The following ADGRB3 variants were observed in gnomAD, a reference collection of about 807,000 sequenced individuals.
ADGRB3 encodes adhesion G protein-coupled receptor B3, also known as brain-specific angiogenesis inhibitor 3.
ADGRB3 carries 37 observed loss-of-function variants against 193.4 expected under a neutral mutation model. That is an observed-to-expected ratio of 0.19 (90% CI 0.15 to 0.25). The LOEUF is 0.25. Ranked by LOEUF, ADGRB3 falls within the 10% of genes least tolerant of loss-of-function variation. ADGRB3 has a pLI of 1.00. For missense variants in ADGRB3, 1,637 were observed against 1,852.9 expected (o/e 0.88, Z 2.14); for synonymous variants, 690 against 644.2 (o/e 1.07, Z -1.08).
chr6:69,351,636 T>G lies in ADGRB3; in HGVS notation c.3460-2597T>G, dbSNP rs540668817. Among the ~76,000 whole-genome samples the G allele has an allele frequency of 4.6e-5, 7 of 152,182 alleles. 1 individual carries two copies. Among genetic ancestry groups the G allele is most frequent in the Non-Finnish European group, 7.3e-5 (5 of 68,036 alleles). ...ATGATTCATGAAGCTGACATCATCA[T>G]TCAGTGTAGAAATGCCCTTAATCTA... On this transcript the variant is annotated intron_variant, in intron 26 of 31. Coordinates refer to ENST00000370598, the MANE Select transcript of ADGRB3 (RefSeq NM_001704.3).
chr6:69,138,030 T>C (rs1773508268), intron 17 of ADGRB3, among the ~76,000 whole-genome samples: 1 of 152,166 alleles, frequency 6.6e-6, no homozygotes. Context: ...CAGAATAACA[T>C]GGAAGAGCAA....
rs539310462 is a variant in ADGRB3, at chr6:68,770,681, T to G, written c.757+131249T>G. On this transcript the variant is annotated intron_variant, in intron 3 of 31. Coordinates refer to ENST00000370598, the MANE Select transcript of ADGRB3 (RefSeq NM_001704.3). ...AGCATAGTATTATTTTTAGATCTTATTTTATTCTAACTAGAAGAGTAATTA... is the reference window on the plus strand; with the variant it reads ...AGCATAGTATTATTTTTAGATCTTAGTTTATTCTAACTAGAAGAGTAATTA... Among the ~76,000 whole-genome samples the G allele has an allele frequency of 3.9e-5, 6 of 152,244 alleles. No homozygotes were observed. The East Asian group carries it at 1.2e-3, about 29-fold the overall frequency.
At chr6:68,939,740 G>A (rs1767585195) in intron 5 of ADGRB3, among the ~76,000 whole-genome samples, 1 of 152,052 alleles carries the variant, frequency 6.6e-6, no homozygotes, top group Non-Finnish European at 1.5e-5. Flanking sequence ...CCTGAAAATA[G>A]TGACAAAAAG....
At chr6:69,093,086 G>A (rs181224010) in intron 17 of ADGRB3, among the ~76,000 whole-genome samples, 2 of 151,424 alleles carry the variant, frequency 1.3e-5, no homozygotes, top group Admixed American at 6.6e-5. Context: ...GAGGAGGATA[G>A]CCTTGGTTCA....
chr6:68,995,894 A>T (rs1283678507), intron 11 of ADGRB3, among the ~76,000 whole-genome samples: 2 of 152,178 alleles, frequency 1.3e-5, no homozygotes. Context: ...TGAAATTTCA[A>T]AGAATTTTTA....
rs541261468 is a variant in ADGRB3 at position 69,042,135 on chromosome 6, G to A, written c.2108-6050G>A. On this transcript the variant is annotated intron_variant, in intron 13 of 31. Coordinates refer to ENST00000370598, the MANE Select transcript of ADGRB3 (RefSeq NM_001704.3). ...TTCATTTCTCTCTCTGCTGCCACGT[G>A]AAGAAGGACATGCATGTTTGCTTCC... Among the ~76,000 whole-genome samples, 5 of 152,290 alleles carry A rather than the reference G, an allele frequency of 3.3e-5. No individual in the cohort carries two copies. The East Asian group carries it at 9.7e-4, about 29-fold the overall frequency.
chr6:68,680,823 C>A (rs1259359374), intron 3 of ADGRB3, among the ~76,000 whole-genome samples: 7 of 152,092 alleles, frequency 4.6e-5, no homozygotes, highest in Admixed American at 4.6e-4. Flanking sequence ...TTTAGAGCAG[C>A]ATTAAACAAA....
intron 15 of ADGRB3, among the ~76,000 whole-genome samples, chr6:69,058,285 G>A (rs1343575264): frequency 6.6e-6 from 1 of 151,590 alleles, no homozygotes; most frequent in Non-Finnish European, 1.5e-5. Flanking sequence ...CAGTTGTGAT[G>A]TCTCCTCCTT....
intron 20 of ADGRB3, among the ~76,000 whole-genome samples, chr6:69,275,310 A>G (rs1767279265): frequency 6.6e-6 from 1 of 152,182 alleles, no homozygotes. Flanking sequence ...TATTCCAACT[A>G]AAATTCTTTA....
At chr6:68,906,367 G>A (rs1766549441) in intron 3 of ADGRB3, among the ~76,000 whole-genome samples, 1 of 151,496 alleles carries the variant, frequency 6.6e-6, no homozygotes, top group African/African-American at 2.4e-5. Flanking sequence ...TATATTGAAG[G>A]TATACCATAT....
intron 16 of ADGRB3, among the ~76,000 whole-genome samples, chr6:69,067,079 C>T (rs1044578002): frequency 1.3e-5 from 2 of 151,980 alleles, no homozygotes; most frequent in African/African-American, 4.8e-5. Flanking sequence ...ATACTTTTTC[C>T]AAATGAAGTC....
At chr6:68,985,616 T>C (rs1310509335) in intron 10 of ADGRB3, among the ~76,000 whole-genome samples, 1 of 152,130 alleles carries the variant, frequency 6.6e-6, no homozygotes, top group African/African-American at 2.4e-5. Flanking sequence ...TTCATTGCCA[T>C]TGCAAGGTCT....
chr6:68,880,251 C>T (rs1183034887), intron 3 of ADGRB3, among the ~76,000 whole-genome samples: 1 of 152,160 alleles, frequency 6.6e-6, no homozygotes, highest in African/African-American at 2.4e-5. Context: ...AGTCTGCCTC[C>T]ATCTGCTAGT....
At chr6:68,834,795 C>G (rs1405440360) in intron 3 of ADGRB3, among the ~76,000 whole-genome samples, 1 of 152,122 alleles carries the variant, frequency 6.6e-6, no homozygotes, top group Admixed American at 6.6e-5. Flanking sequence ...GTACGAGGAT[C>G]ATGACTGAAT....
At chr6:68,829,091 C>CCTTTTTTTTTTTTTTT (rs1767903918) in intron 3 of ADGRB3, among the ~76,000 whole-genome samples, 3 of 94,656 alleles carry the variant, frequency 3.2e-5, no homozygotes, top group African/African-American at 1.2e-4. Context: ...GTTTAAGTAA[C>CCTTTTTTTTTTTTTTT]TTTTTTTTTT....
chr6:69,288,134 G>A (rs1482820988), intron 20 of ADGRB3, among the ~76,000 whole-genome samples: 1 of 152,154 alleles, frequency 6.6e-6, no homozygotes, highest in Middle Eastern at 3.4e-3. Flanking sequence ...TGCCATGGTG[G>A]TTTGCTTTAC....
At chr6:68,815,640 T>C (rs866098679) in intron 3 of ADGRB3, among the ~76,000 whole-genome samples, 6 of 146,100 alleles carry the variant, frequency 4.1e-5, no homozygotes, top group Admixed American at 6.8e-5. Context: ...TGTGTGTGTG[T>C]GCATGTAGAT....
At chr6:69,114,750 C>T (rs567934434) in intron 17 of ADGRB3, among the ~76,000 whole-genome samples, 58 of 152,278 alleles carry the variant, frequency 3.8e-4, no homozygotes, top group African/African-American at 1.3e-3. Flanking sequence ...TTTCCCAACA[C>T]CATTTATTAA....
intron 20 of ADGRB3, among the ~76,000 whole-genome samples, chr6:69,278,819 G>C (rs749212940): frequency 6.6e-6 from 1 of 151,502 alleles, no homozygotes; most frequent in Non-Finnish European, 1.5e-5. Context: ...TGTCTTAGAA[G>C]GTTATTCTGA....
Sources: gnomAD v4.1 joint callset for allele counts (sites outside exome capture counted in the v4.1 genomes callset) on GRCh38, gnomAD v4.1.1 for gene constraint, MANE v1.5 for transcripts, NCBI Gene and HGNC (gene_info 2026-07-23, HGNC 2026-07-21) for gene names.